The following FAM217A variants were observed in gnomAD, a reference collection of about 807,000 sequenced individuals.
The protein encoded by FAM217A is family with sequence similarity 217 member A.
Under a neutral mutation model 18.5 loss-of-function variants are expected in FAM217A, and 13 were observed. The observed-to-expected ratio is 0.70, with a 90% CI of 0.46 to 1.12. The LOEUF (loss-of-function observed/expected upper bound fraction) is 1.12. Among genes scored for constraint, FAM217A ranks in the 50% most tolerant of loss-of-function variants. FAM217A has a pLI of 0.00. For missense variants in FAM217A, 560 were observed against 575.4 expected (o/e 0.97, Z 0.27); for synonymous variants, 161 against 202.8 (o/e 0.79, Z 1.75).
rs778497109 is a variant in FAM217A, at chr6:4,068,748, GACAA to G, written c.1471_1474del (p.Leu491ArgfsTer27). On this transcript the variant is annotated frameshift_variant, in exon 7 of 7. Coordinates refer to ENST00000274673, the MANE Select transcript of FAM217A (RefSeq NM_173563.3). LOFTEE classifies it high-confidence loss of function. ...CTTATCCTTAGCAATAAGGGAAGGC[GACAA>G]ACAGTTTAGCTTCTGAATAGAGAAT... 3.8e-5 allele frequency: 62 copies of G among 1,612,766 alleles called. 1 individual carries two copies. Among genetic ancestry groups the G allele is most frequent in the East Asian group, 3.6e-4 (16 of 44,884 alleles).
At chr6:4,077,564 G>T in intron 1 of FAM217A, 116 bp from the exon 2 acceptor site, 1 of 883,054 alleles carries the variant, frequency 1.1e-6, no homozygotes, top group South Asian at 1.5e-5. Context: ...GAAAGCAGAA[G>T]AGAGGGGCTA....
intron 2 of FAM217A, among the ~76,000 whole-genome samples, chr6:4,076,668 C>G (rs963450436): frequency 6.6e-6 from 1 of 152,086 alleles, no homozygotes; most frequent in Admixed American, 6.6e-5. Context: ...CACTTGAGGT[C>G]AGGAGTTCAA....
Position 4,068,849 on chromosome 6 carries a change from T to G in FAM217A, c.1374A>C (p.Glu458Asp), listed in dbSNP as rs769733195. 1.2e-6 allele frequency: 2 copies of G among 1,614,152 alleles called. No individual in the cohort carries two copies. The highest frequency in any genetic ancestry group is 1.7e-6 in the Non-Finnish European group (2 of 1,180,002). Residue 458 changes from glutamate (E) to aspartate (D), a missense_variant, in exon 7 of 7, where the codon GAA becomes GAC. Glu to Asp is a conservative substitution (Grantham distance 45). Coordinates refer to ENST00000274673, the MANE Select transcript of FAM217A (RefSeq NM_173563.3). ...CAAAGTTTCTCTTCGGTGCCTTAATTTCTTCCTTCTGATTTTCGGGAAAAG... is the reference window on the plus strand; with the variant it reads ...CAAAGTTTCTCTTCGGTGCCTTAATGTCTTCCTTCTGATTTTCGGGAAAAG... Reference protein sequence around the residue: ...PLTFPENQKEEIKAPKRNFGT... With the variant: ...PLTFPENQKEDIKAPKRNFGT...
chr6:4,079,679 C>A, upstream of FAM217A: 1 of 1,285,720 alleles, frequency 7.8e-7, no homozygotes. Flanking sequence ...GAGCACCGCC[C>A]GGTACGTAGT....
chr6:4,073,361 T>G lies in FAM217A; in HGVS notation c.235-19A>C, dbSNP rs1315843973. On this transcript the variant is annotated intron_variant, in intron 5 of 6. Transcript: ENST00000274673. The stretch of plus-strand genomic sequence containing the variant: ...TACTATTCTGATGACAGAAAAATAA[T>G]GGGTAATAGTTTAGTAGCTGCATAT... 2 of 1,597,864 alleles carry G rather than the reference T, an allele frequency of 1.3e-6. No individual in the cohort carries two copies. Among genetic ancestry groups the G allele is most frequent in the Non-Finnish European group, 1.7e-6 (2 of 1,171,874 alleles).
At chr6:4,087,115 C>A, upstream of FAM217A, 1 of 403,938 alleles carries the variant, frequency 2.5e-6, no homozygotes, top group South Asian at 1.3e-4. Context: ...CCTCGTAGGT[C>A]TGTGGAGCCT....
At chr6:4,080,286 T>C (rs1463871702), upstream of FAM217A, among the ~76,000 whole-genome samples, 1 of 152,176 alleles carries the variant, frequency 6.6e-6, no homozygotes, top group African/African-American at 2.4e-5. Flanking sequence ...CCACCTACCT[T>C]ACTCTATTTC....
At position 4,068,454 on chromosome 6, in the gene FAM217A, A is replaced by T; in HGVS notation, c.*242T>A. On this transcript the variant is annotated 3_prime_UTR_variant, in exon 7 of 7. Transcript: ENST00000274673. Reference sequence around the variant, plus strand: ...TTTGAATAGAATAGTCTACCAAGTGAACCATTTACTTGAAACACAACATGC... The same window carrying T: ...TTTGAATAGAATAGTCTACCAAGTGTACCATTTACTTGAAACACAACATGC... The T allele has an allele frequency of 2.5e-6, 1 of 392,932 alleles. No homozygotes were observed. Among genetic ancestry groups the T allele is most frequent in the Non-Finnish European group, 4.5e-6 (1 of 222,302 alleles). 24.3% of individuals were successfully genotyped at this position (392,932 alleles called of 1,614,324 possible).
intron 1 of FAM217A, among the ~76,000 whole-genome samples, chr6:4,078,629 G>A (rs1490551387): frequency 3.9e-5 from 6 of 152,230 alleles, no homozygotes; most frequent in African/African-American, 1.4e-4. Flanking sequence ...GCACCTGAAG[G>A]ACGGCCCTGG....
chr6:4,083,243 C>T (rs1770419403), upstream of FAM217A, among the ~76,000 whole-genome samples: 1 of 152,224 alleles, frequency 6.6e-6, no homozygotes, highest in Non-Finnish European at 1.5e-5. Context: ...TTGCTGCCCA[C>T]CTCAGTTTCT....
upstream of FAM217A, chr6:4,087,209 C>A: frequency 1.2e-6 from 1 of 830,946 alleles, no homozygotes. Flanking sequence ...CCGCTTTCCC[C>A]TCTTCCTTTT....
Position 4,085,311 on chromosome 6 carries a change from A to AAAAAAATATATAT in FAM217A, c.19-502_19-501insATATATATTTTTT, listed in dbSNP as rs377046907. ...AGAAGTGTTATTCATTGTAAAAAAA[A>AAAAAAATATATAT]ATATATATATATATATAAAATATGT... On this transcript the variant is annotated intron_variant, in intron 1 of 8. Transcript: ENST00000639338. Among the ~76,000 whole-genome samples the AAAAAAATATATAT allele has an allele frequency of 1.1e-3, 160 of 146,430 alleles. 1 individual carries two copies. The highest frequency in any genetic ancestry group is 0.01 in the East Asian group (51 of 4,906).
chr6:4,079,640 A>T (rs1454828826), upstream of FAM217A: 1 of 1,253,430 alleles, frequency 8.0e-7, no homozygotes, highest in Non-Finnish European at 1.0e-6. Flanking sequence ...TCCACCCTCC[A>T]TTCCCACCGC....
chr6:4,079,933 C>T (rs1470480727), upstream of FAM217A, among the ~76,000 whole-genome samples: 5 of 151,562 alleles, frequency 3.3e-5, no homozygotes, highest in Admixed American at 6.6e-5. Flanking sequence ...TCTCCTATTA[C>T]AGCTTCATGA....
chr6:4,077,549 G>A (rs1196650630), intron 1 of FAM217A, 101 bp from the exon 2 acceptor site: 3 of 1,005,682 alleles, frequency 3.0e-6, no homozygotes, highest in Non-Finnish European at 4.6e-6. Flanking sequence ...GTAAGAGAAT[G>A]CTTAGAAAGC....
upstream of FAM217A, among the ~76,000 whole-genome samples, chr6:4,080,401 T>C (rs1230451534): frequency 3.3e-5 from 5 of 152,358 alleles, no homozygotes; most frequent in Non-Finnish European, 4.4e-5. Flanking sequence ...TCAAACTCCA[T>C]GTGGGCCGGG....
upstream of FAM217A, among the ~76,000 whole-genome samples, chr6:4,082,860 T>G (rs75784465): frequency 0.023 from 3,445 of 152,358 alleles, 62 homozygotes; most frequent in Non-Finnish European, 0.031. Flanking sequence ...TTACTCTGCC[T>G]TTTGTACTTG....
At chr6:4,073,387 A>ATT in intron 5 of FAM217A, 45 bp from the exon 6 acceptor site, 1 of 1,589,464 alleles carries the variant, frequency 6.3e-7, no homozygotes, top group Non-Finnish European at 8.6e-7. Context: ...AGCTGCATAT[A>ATT]TTTTTAAAAT....
At chr6:4,076,100 G>T (rs867619573) in intron 2 of FAM217A, among the ~76,000 whole-genome samples, 1 of 151,340 alleles carries the variant, frequency 6.6e-6, no homozygotes, top group African/African-American at 2.4e-5. Flanking sequence ...AGGCCGAGGC[G>T]GGCAGATCAC....
Sources: gnomAD v4.1 joint callset for allele counts (sites outside exome capture counted in the v4.1 genomes callset) on GRCh38, gnomAD v4.1.1 for gene constraint, MANE v1.5 for transcripts, NCBI Gene and HGNC (gene_info 2026-07-23, HGNC 2026-07-21) for gene names.